The following ARSG variants were observed in gnomAD, a reference collection of about 807,000 sequenced individuals.
ARSG encodes the protein arylsulfatase G.
A neutral mutation model predicts 50.5 loss-of-function variants in ARSG; 37 were observed. The ratio of observed to expected loss-of-function variants is 0.73; its 90% CI spans 0.56 to 0.96. The LOEUF is 0.96. ARSG is among the 50% of genes least tolerant of loss of function. The pLI is 0.00. For missense variants in ARSG, 629 were observed against 675.3 expected (o/e 0.93, Z 0.76); for synonymous variants, 225 against 254.6 (o/e 0.88, Z 1.11).
chr17:68,351,770 T>C lies in ARSG; in HGVS notation c.566+84T>C. ...TGGTCCATCAGCAATAAATTAAAGA[T>C]GCAGACAGGAAACAGTTAAGACGGC... On this transcript the variant is annotated intron_variant, in intron 5 of 11. Coordinates refer to ENST00000621439, the MANE Select transcript of ARSG (RefSeq NM_001267727.2). 7 of 883,614 alleles carry C rather than the reference T, an allele frequency of 7.9e-6. No homozygotes were observed. In the South Asian group the frequency reaches 9.4e-5, roughly 12 times the overall value. The allele number at this position is 883,614 out of a possible 1,614,324, so 54.7% of individuals were successfully genotyped here.
At chr17:68,333,295 C>T (rs2077860694) in intron 2 of ARSG, among the ~76,000 whole-genome samples, 1 of 152,066 alleles carries the variant, frequency 6.6e-6, no homozygotes, top group Admixed American at 6.5e-5. Context: ...GCACTCCAGC[C>T]TGGGCGACAG....
chr17:68,324,108 GA>G (rs1295187834), intron 2 of ARSG, among the ~76,000 whole-genome samples: 3 of 148,006 alleles, frequency 2.0e-5, no homozygotes, highest in Admixed American at 6.7e-5. Context: ...CTACAGTAGA[GA>G]AAAGGCCCTC....
At chr17:68,315,889 CCAAAGTGCTGGGATTA>C (rs1400140300) in intron 2 of ARSG, among the ~76,000 whole-genome samples, 11 of 152,132 alleles carry the variant, frequency 7.2e-5, no homozygotes, top group African/African-American at 2.7e-4. Flanking sequence ...CCTCGGCCTC[CCAAAGTGCTGGGATTA>C]CAAAGTGCGT....
chr17:68,386,834 T>C (rs555817046), intron 9 of ARSG, among the ~76,000 whole-genome samples: 1 of 152,200 alleles, frequency 6.6e-6, no homozygotes, highest in South Asian at 2.1e-4. Context: ...TCAACCATAA[T>C]AAAACTGCCT....
the ARSG span, among the ~76,000 whole-genome samples, chr17:68,441,507 G>A: frequency 3.3e-5 from 5 of 152,174 alleles, no homozygotes; most frequent in African/African-American, 9.7e-5. Flanking sequence ...AAATAAACTA[G>A]AGGATGAGAA....
chr17:68,337,916 C>A (rs1047321301), intron 2 of ARSG, among the ~76,000 whole-genome samples: 2 of 152,154 alleles, frequency 1.3e-5, no homozygotes, highest in Non-Finnish European at 1.5e-5. Context: ...TGCGCCCGGC[C>A]AGCAGAAACT....
At chr17:68,260,290 T>C (rs1178464977) in intron 1 of ARSG, among the ~76,000 whole-genome samples, 1 of 152,216 alleles carries the variant, frequency 6.6e-6, no homozygotes, top group Non-Finnish European at 1.5e-5. Context: ...TTCGTTGTTT[T>C]CACTGTGCTG....
chr17:68,347,821 G>T (rs2078581675), intron 4 of ARSG, among the ~76,000 whole-genome samples: 1 of 152,192 alleles, frequency 6.6e-6, no homozygotes, highest in Non-Finnish European at 1.5e-5. Context: ...CAGCTTTGGT[G>T]GCTTCTCCTG....
intron 2 of ARSG, among the ~76,000 whole-genome samples, chr17:68,333,633 AT>A (rs1322873096): frequency 5.3e-4 from 7 of 13,244 alleles, no homozygotes; most frequent in Non-Finnish European, 1.1e-3. Flanking sequence ...TGTCTCAAAA[AT>A]AATAATAATA....
chr17:68,419,781 G>A (rs75361475), intron 11 of ARSG, among the ~76,000 whole-genome samples: 2,492 of 147,418 alleles, frequency 0.017, 77 homozygotes, highest in African/African-American at 0.061. Flanking sequence ...GGAACATAGC[G>A]GGACCCTGTC....
chr17:68,317,382 C>T (rs2145784170), intron 2 of ARSG, among the ~76,000 whole-genome samples: 1 of 152,076 alleles, frequency 6.6e-6, no homozygotes, highest in South Asian at 2.1e-4. Flanking sequence ...AATCAGCTCT[C>T]TGCCATGTGG....
chr17:68,278,249 G>T (rs372439239), intron 1 of ARSG: 2 of 1,614,068 alleles, frequency 1.2e-6, no homozygotes, highest in African/African-American at 2.7e-5. Flanking sequence ...CTACCGCCCA[G>T]CCCCATCCTC....
chr17:68,309,636 A>G (rs1422275679), intron 2 of ARSG, among the ~76,000 whole-genome samples: 3 of 152,162 alleles, frequency 2.0e-5, no homozygotes, highest in Non-Finnish European at 4.4e-5. Flanking sequence ...AGGCAGGTGG[A>G]TCACCTGAGG....
At chr17:68,346,733 G>T in intron 3 of ARSG, 1 of 1,264,980 alleles carries the variant, frequency 7.9e-7, no homozygotes, top group African/African-American at 1.5e-5. Flanking sequence ...GACGATGTGG[G>T]GCGGTGCACC....
intron 2 of ARSG, among the ~76,000 whole-genome samples, chr17:68,308,177 G>A (rs1052029398): frequency 2.6e-5 from 4 of 152,190 alleles, no homozygotes; most frequent in Admixed American, 6.5e-5. Flanking sequence ...GTGGTGGCAC[G>A]CTCCTGTGGT....
intron 11 of ARSG, among the ~76,000 whole-genome samples, chr17:68,418,366 A>G (rs1055785420): frequency 2.6e-5 from 4 of 152,196 alleles, no homozygotes; most frequent in Non-Finnish European, 4.4e-5. Context: ...CCTAGCATGA[A>G]CTGTTTGTCA....
At chr17:68,372,627 C>T (rs1294119731) in intron 8 of ARSG, among the ~76,000 whole-genome samples, 1 of 152,158 alleles carries the variant, frequency 6.6e-6, no homozygotes, top group Non-Finnish European at 1.5e-5. Flanking sequence ...GACCCAGTCG[C>T]CTTCCACCAG....
the ARSG span, among the ~76,000 whole-genome samples, chr17:68,443,286 T>G: frequency 6.6e-6 from 1 of 152,064 alleles, no homozygotes; most frequent in African/African-American, 2.4e-5. Context: ...AATTTTTGTA[T>G]TTTTTTGGTA....
intron 1 of ARSG, among the ~76,000 whole-genome samples, chr17:68,264,807 C>A (rs1422800990): frequency 6.6e-6 from 1 of 151,884 alleles, no homozygotes; most frequent in Non-Finnish European, 1.5e-5. Flanking sequence ...TATACTGAAA[C>A]CTCTTGAAGT....
Sources: gnomAD v4.1 joint callset for allele counts (sites outside exome capture counted in the v4.1 genomes callset) on GRCh38, gnomAD v4.1.1 for gene constraint, MANE v1.5 for transcripts, NCBI Gene and HGNC (gene_info 2026-07-23, HGNC 2026-07-21) for gene names.